SLC4A4: variants seen among roughly 807,000 people sequenced by gnomAD.
SLC4A4 encodes solute carrier family 4 member 4.
SLC4A4 carries 27 observed loss-of-function variants against 111.5 expected under a neutral mutation model. The ratio of observed to expected loss-of-function variants is 0.24; its 90% CI spans 0.18 to 0.33. The LOEUF is 0.33. SLC4A4 is among the 10% of genes least tolerant of loss of function. SLC4A4 has a pLI of 1.00. For missense variants in SLC4A4, 909 were observed against 1,315.5 expected (o/e 0.69, Z 4.78); for synonymous variants, 443 against 463.4 (o/e 0.96, Z 0.57).
At chr4:71,547,813 GAT>G (rs1735666919) in intron 20 of SLC4A4, 93 bp downstream of exon 20, 8 of 1,078,096 alleles carry the variant, frequency 7.4e-6, no homozygotes, top group African/African-American at 1.5e-5. Context: ...ATATTTGCGA[GAT>G]TCTCATCAGT....
intron 23 of SLC4A4, 116 bp downstream of exon 23, chr4:71,560,370 C>G: frequency 8.4e-7 from 1 of 1,189,308 alleles, no homozygotes; most frequent in Non-Finnish European, 1.2e-6. Context: ...TTTATCTGGA[C>G]ATGTGGTGTA....
chr4:71,262,966 A>G lies in SLC4A4; in HGVS notation c.253+7567A>G, dbSNP rs575001447. Among the ~76,000 whole-genome samples, 172 of 150,320 alleles carry G rather than the reference A, an allele frequency of 1.1e-3. 1 individual carries two copies. In the Middle Eastern group the frequency reaches 0.017, roughly 15 times the overall value. On this transcript the variant is annotated intron_variant, in intron 3 of 25. Coordinates refer to ENST00000264485, the MANE Select transcript of SLC4A4 (RefSeq NM_001098484.3). The stretch of plus-strand genomic sequence containing the variant: ...CCATGTTGGTGTGCTGCACCCATTA[A>G]CTCATCATTTAACATTAGCTATATC...
At chr4:71,403,413 G>A (rs1207164136) in intron 7 of SLC4A4, among the ~76,000 whole-genome samples, 1 of 152,200 alleles carries the variant, frequency 6.6e-6, no homozygotes, top group African/African-American at 2.4e-5. Context: ...CTTTTGGGAA[G>A]AGACAGACTG....
chr4:71,489,675 G>A (rs1188696686), intron 15 of SLC4A4, among the ~76,000 whole-genome samples: 1 of 151,758 alleles, frequency 6.6e-6, no homozygotes, highest in African/African-American at 2.4e-5. Context: ...TCCTCCGTCT[G>A]CTTGGTTATG....
At chr4:71,345,739 T>C (rs1156837660) in intron 4 of SLC4A4, among the ~76,000 whole-genome samples, 3 of 152,164 alleles carry the variant, frequency 2.0e-5, no homozygotes, top group Non-Finnish European at 4.4e-5. Flanking sequence ...CTCTGTCTTT[T>C]CTCTACTGAA....
intron 6 of SLC4A4, among the ~76,000 whole-genome samples, chr4:71,388,532 A>T (rs1357555211): frequency 6.7e-6 from 1 of 149,072 alleles, no homozygotes; most frequent in Non-Finnish European, 1.5e-5. Context: ...CTATTATATT[A>T]TATTCATTCA....
intron 2 of SLC4A4, among the ~76,000 whole-genome samples, chr4:71,176,710 AC>A (rs1390983736): frequency 5.9e-5 from 9 of 152,242 alleles, no homozygotes; most frequent in Admixed American, 3.9e-4. Flanking sequence ...TGATTGGTGT[AC>A]CTGAAAGTGA....
intron 2 of SLC4A4, among the ~76,000 whole-genome samples, chr4:71,174,212 G>C (rs540120523): frequency 1.3e-5 from 2 of 151,040 alleles, no homozygotes; most frequent in African/African-American, 4.9e-5. Flanking sequence ...TATGACAAAA[G>C]AGATTGTCCT....
intron 2 of SLC4A4, among the ~76,000 whole-genome samples, chr4:71,123,323 G>T (rs1743483659): frequency 6.6e-6 from 1 of 152,134 alleles, no homozygotes; most frequent in Admixed American, 6.5e-5. Context: ...TAATATGCTA[G>T]GGAAAAAGAA....
intron 2 of SLC4A4, among the ~76,000 whole-genome samples, chr4:71,143,107 CCA>C (rs1744057517): frequency 6.6e-6 from 1 of 151,998 alleles, no homozygotes; most frequent in Non-Finnish European, 1.5e-5. Flanking sequence ...CATCCCCCCA[CCA>C]TGCAACCATC....
Position 71,349,969 on chromosome 4 carries a change from T to C in SLC4A4, c.447T>C (p.His149=), listed in dbSNP as rs755912760. ...GTGGGGAAAGATGGAGCAAGCCCCA[T>C]GTGGCCACATTGTCCCTTCATAGTT... ...EQGGERWSKP[H]VATLSLHSLF... Residue 149 remains histidine (H), a synonymous_variant, in exon 5 of 26, where the codon CAT becomes CAC. Coordinates refer to ENST00000264485, the MANE Select transcript of SLC4A4 (RefSeq NM_001098484.3). The C allele has an allele frequency of 1.2e-6, 2 of 1,614,124 alleles. No individual in the cohort carries two copies. The highest frequency in any genetic ancestry group is 2.2e-5 in the South Asian group (2 of 91,082).
At chr4:71,131,294 G>A (rs567826159) in intron 2 of SLC4A4, among the ~76,000 whole-genome samples, 2 of 152,108 alleles carry the variant, frequency 1.3e-5, no homozygotes, top group African/African-American at 2.4e-5. Context: ...CACTTTCGCC[G>A]TCCCTCTAAA....
intron 20 of SLC4A4, among the ~76,000 whole-genome samples, chr4:71,552,157 G>A (rs1216247500): frequency 6.6e-6 from 1 of 151,820 alleles, no homozygotes; most frequent in African/African-American, 2.4e-5. Flanking sequence ...TTCAGAATGA[G>A]GCCCTGGACT....
chr4:71,445,717 CTT>C (rs1446714160), intron 8 of SLC4A4, among the ~76,000 whole-genome samples: 2 of 152,120 alleles, frequency 1.3e-5, no homozygotes, highest in Non-Finnish European at 2.9e-5. Flanking sequence ...GTGACCAGTA[CTT>C]ATGTTTCTCA....
intron 16 of SLC4A4, among the ~76,000 whole-genome samples, chr4:71,498,160 T>C (rs1730585474): frequency 6.6e-6 from 1 of 152,098 alleles, no homozygotes; most frequent in Non-Finnish European, 1.5e-5. Context: ...CAAGTATTGG[T>C]GTAAGATATG....
At chr4:71,385,924 C>T (rs1281616549) in intron 6 of SLC4A4, among the ~76,000 whole-genome samples, 2 of 152,004 alleles carry the variant, frequency 1.3e-5, no homozygotes, top group Non-Finnish European at 2.9e-5. Context: ...CCATATATCT[C>T]TTTTTTTCTT....
intron 8 of SLC4A4, among the ~76,000 whole-genome samples, chr4:71,444,609 G>A (rs1725060240): frequency 6.6e-6 from 1 of 152,196 alleles, no homozygotes; most frequent in South Asian, 2.1e-4. Flanking sequence ...GTCATGAAAG[G>A]AGTTTTCAGT....
At chr4:71,534,489 T>C (rs1217676293) in intron 18 of SLC4A4, 101 bp downstream of exon 18, 2 of 1,113,574 alleles carry the variant, frequency 1.8e-6, no homozygotes, top group Non-Finnish European at 2.7e-6. Flanking sequence ...TGGGAGTTAC[T>C]ATAGCTAATG....
At chr4:71,156,573 T>TGCGCGCGC (rs771841334) in intron 2 of SLC4A4, among the ~76,000 whole-genome samples, 41 of 85,706 alleles carry the variant, frequency 4.8e-4, no homozygotes, top group African/African-American at 1.0e-3. Flanking sequence ...TGTGCGCGCA[T>TGCGCGCGC]GCGCGCGCGC....
Sources: gnomAD v4.1 joint callset for allele counts (sites outside exome capture counted in the v4.1 genomes callset) on GRCh38, gnomAD v4.1.1 for gene constraint, MANE v1.5 for transcripts, NCBI Gene and HGNC (gene_info 2026-07-23, HGNC 2026-07-21) for gene names.